Variants in NAALADL2 observed in about 807,000 individuals in gnomAD.
NAALADL2 encodes the protein inactive N-acetylated-alpha-linked acidic dipeptidase-like protein 2.
In NAALADL2, 76 loss-of-function variants were observed where a neutral mutation model predicts 87.2. That is an observed-to-expected ratio of 0.87 (90% CI 0.72 to 1.05). The LOEUF (loss-of-function observed/expected upper bound fraction) is 1.05, where lower values mean the gene tolerates loss of function less well. Ranked by LOEUF, NAALADL2 falls within the 50% of genes least tolerant of loss-of-function variation. The probability of loss-of-function intolerance (pLI) is 0.00; values close to 1 mark genes in which losing one functional copy is unlikely to be tolerated. For missense variants in NAALADL2, 1,089 were observed against 945.8 expected (o/e 1.15, Z -1.99); for synonymous variants, 354 against 331.0 (o/e 1.07, Z -0.75).
At chr3:175,614,420 A>G (rs1011063251) in intron 10 of NAALADL2, among the ~76,000 whole-genome samples, 1 of 152,202 alleles carries the variant, frequency 6.6e-6, no homozygotes, top group Non-Finnish European at 1.5e-5. Flanking sequence ...TGGCTTGAAA[A>G]TGTTTAGAAG....
intron 10 of NAALADL2, among the ~76,000 whole-genome samples, chr3:175,601,652 T>C (rs1268964539): frequency 6.6e-6 from 1 of 152,096 alleles, no homozygotes; most frequent in Non-Finnish European, 1.5e-5. Context: ...TTGTTCTAGG[T>C]AAAAATTGAA....
intron 1 of NAALADL2, among the ~76,000 whole-genome samples, chr3:174,906,475 T>C (rs1395532455): frequency 6.6e-6 from 1 of 152,128 alleles, no homozygotes; most frequent in African/African-American, 2.4e-5. Context: ...TCTCACTTGT[T>C]CCAAGGGAAG....
intron 3 of NAALADL2, among the ~76,000 whole-genome samples, chr3:174,844,674 A>G (rs1459202664): frequency 2.0e-5 from 3 of 151,590 alleles, no homozygotes; most frequent in Non-Finnish European, 4.4e-5. Context: ...TTTATTTAAT[A>G]AATATTTTAT....
intron 4 of NAALADL2, among the ~76,000 whole-genome samples, chr3:175,304,111 A>G (rs1163383086): frequency 7.2e-5 from 11 of 152,168 alleles, no homozygotes; most frequent in East Asian, 1.9e-4. Context: ...CAAAGTAATC[A>G]TTATGAATTC....
chr3:175,288,003 C>T (rs551437013), intron 4 of NAALADL2, among the ~76,000 whole-genome samples: 1 of 152,110 alleles, frequency 6.6e-6, no homozygotes, highest in Non-Finnish European at 1.5e-5. Flanking sequence ...TTTATATGAT[C>T]ATATAACATC....
chr3:174,957,173 A>C (rs80226950), intron 1 of NAALADL2, among the ~76,000 whole-genome samples: 5,210 of 152,114 alleles, frequency 0.034, 189 homozygotes, highest in African/African-American at 0.094. Context: ...GCATCTGGGC[A>C]TACTAACAGG....
intron 1 of NAALADL2, among the ~76,000 whole-genome samples, chr3:175,012,565 G>A (rs1642263635): frequency 6.6e-6 from 1 of 152,048 alleles, no homozygotes; most frequent in Non-Finnish European, 1.5e-5. Flanking sequence ...TGATATTAAC[G>A]TGTTACGGAC....
chr3:175,180,732 T>C (rs1235171011), intron 2 of NAALADL2, among the ~76,000 whole-genome samples: 2 of 150,932 alleles, frequency 1.3e-5, no homozygotes, highest in African/African-American at 2.4e-5. Context: ...ATATAATGTA[T>C]AATATAATAA....
intron 9 of NAALADL2, among the ~76,000 whole-genome samples, chr3:175,504,633 G>A (rs1226698541): frequency 1.4e-5 from 2 of 147,698 alleles, no homozygotes; most frequent in Non-Finnish European, 3.0e-5. Context: ...GACACAGTGA[G>A]AAAGCAGTCA....
At chr3:175,577,765 G>A (rs1005936063) in intron 10 of NAALADL2, among the ~76,000 whole-genome samples, 6 of 152,064 alleles carry the variant, frequency 3.9e-5, no homozygotes, top group African/African-American at 9.7e-5. Flanking sequence ...TTTTAAAATG[G>A]ATTTATCCCT....
chr3:174,571,820 A>T (rs1397579016), intron 2 of NAALADL2, among the ~76,000 whole-genome samples: 1 of 152,186 alleles, frequency 6.6e-6, no homozygotes. Context: ...ACTCAAGAAA[A>T]AAAATATGTC....
intron 1 of NAALADL2, among the ~76,000 whole-genome samples, chr3:174,929,629 A>G (rs1309273044): frequency 6.6e-6 from 1 of 152,178 alleles, no homozygotes; most frequent in East Asian, 1.9e-4. Flanking sequence ...TGAGAAAATA[A>G]TGTTGTGCAC....
intron 2 of NAALADL2, among the ~76,000 whole-genome samples, chr3:175,183,395 G>A (rs1168335289): frequency 6.6e-6 from 1 of 151,960 alleles, no homozygotes; most frequent in East Asian, 1.9e-4. Context: ...TGGTGAGAGT[G>A]GGCATCCTTG....
intron 2 of NAALADL2, among the ~76,000 whole-genome samples, chr3:174,726,054 T>C (rs1732153437): frequency 6.6e-6 from 1 of 152,186 alleles, no homozygotes; most frequent in African/African-American, 2.4e-5. Context: ...TGGTTTCTCC[T>C]TTCACTACCA....
chr3:175,766,664 G>T, intron 13 of NAALADL2, among the ~76,000 whole-genome samples: 1 of 152,092 alleles, frequency 6.6e-6, no homozygotes, highest in East Asian at 1.9e-4. Context: ...GTATTTTTAT[G>T]TGTATAAATA....
intron 2 of NAALADL2, among the ~76,000 whole-genome samples, chr3:174,615,646 A>C (rs140972509): frequency 1.3e-5 from 2 of 152,076 alleles, no homozygotes; most frequent in Non-Finnish European, 2.9e-5. Flanking sequence ...ATGTCACCTG[A>C]AAGTGACCTT....
intron 2 of NAALADL2, among the ~76,000 whole-genome samples, chr3:175,102,710 C>A (rs1033730095): frequency 1.2e-4 from 18 of 149,076 alleles, no homozygotes; most frequent in African/African-American, 4.2e-4. Flanking sequence ...ATCATTGATA[C>A]AACTAAGCAA....
chr3:174,890,724 T>A (rs1171033555), intron 1 of NAALADL2, among the ~76,000 whole-genome samples: 1 of 152,146 alleles, frequency 6.6e-6, no homozygotes, highest in African/African-American at 2.4e-5. Flanking sequence ...ATGCATAATA[T>A]CAGATAGTGT....
intron 1 of NAALADL2, among the ~76,000 whole-genome samples, chr3:174,533,278 A>G (rs1721416303): frequency 6.6e-6 from 1 of 151,644 alleles, no homozygotes; most frequent in South Asian, 2.1e-4. Context: ...CTCTGCATAG[A>G]AGTAAAATTG....
Sources: gnomAD v4.1 joint callset for allele counts (sites outside exome capture counted in the v4.1 genomes callset) on GRCh38, gnomAD v4.1.1 for gene constraint, MANE v1.5 for transcripts, NCBI Gene and HGNC (gene_info 2026-07-23, HGNC 2026-07-21) for gene names.